Variants in STRBP observed in about 807,000 individuals in gnomAD.
STRBP encodes spermatid perinuclear RNA binding protein.
In STRBP, 13 loss-of-function variants were observed where a neutral mutation model predicts 80.1. That is an observed-to-expected ratio of 0.16 (90% CI 0.11 to 0.26). The LOEUF (loss-of-function observed/expected upper bound fraction) is 0.26. STRBP is among the 10% of genes least tolerant of loss of function. The pLI, the probability that STRBP is intolerant of heterozygous loss-of-function variation, is 1.00. For missense variants in STRBP, 485 were observed against 815.2 expected, an observed-to-expected ratio of 0.59 and a Z score of 4.93; for synonymous variants, 284 against 291.2, an observed-to-expected ratio of 0.98 and a Z score of 0.25.
chr9:123,146,909 T>A lies in STRBP; in HGVS notation c.1284A>T (p.Thr428=), dbSNP rs1476684645. 1 of 1,614,100 alleles carries A rather than the reference T, an allele frequency of 6.2e-7. No homozygotes were observed. The highest frequency in any genetic ancestry group is 1.7e-5 in the Admixed American group (1 of 60,012). The change falls in exon 13 of 19, where the codon ACA becomes ACT. Residue 428 remains threonine (T), a synonymous_variant. Transcript: ENST00000348403. The stretch of plus-strand genomic sequence containing the variant: ...TCTTGGATGGTCCTGAGGCTTCATA[T>A]GTTGTGCCATCCACATCTACAGACA... ...FTMSVDVDGT[T]YEASGPSKKT...
chr9:123,205,958 T>C (rs1473223137), intron 2 of STRBP, among the ~76,000 whole-genome samples: 2 of 152,156 alleles, frequency 1.3e-5, no homozygotes, highest in African/African-American at 4.8e-5. Flanking sequence ...AAAAAGTAAT[T>C]TGGAGATAAC....
chr9:123,188,012 T>C (rs905208511), intron 2 of STRBP, among the ~76,000 whole-genome samples: 1 of 152,078 alleles, frequency 6.6e-6, no homozygotes, highest in Non-Finnish European at 1.5e-5. Flanking sequence ...ATGCTCCACC[T>C]ATTTGACCTT....
At position 123,128,263 on chromosome 9, in the gene STRBP, T is replaced by A. The variant is rs766489382; in HGVS notation, c.1898-5A>T. On this transcript the variant is annotated splice_region_variant and splice_polypyrimidine_tract_variant and intron_variant, in intron 17 of 18. Coordinates refer to ENST00000348403, the MANE Select transcript of STRBP (RefSeq NM_018387.5). ...AACCATATGGTGTTCCATAGCCTAG[T>A]GCAAAGAAGAAGAAGGCAGATCAGT... 6.2e-7 allele frequency: 1 copy of A among 1,614,042 alleles called. No individual in the cohort carries two copies. The highest frequency in any genetic ancestry group is 1.7e-5 in the Admixed American group (1 of 59,978).
At chr9:123,131,806 T>C (rs2036149671) in intron 17 of STRBP, among the ~76,000 whole-genome samples, 1 of 152,228 alleles carries the variant, frequency 6.6e-6, no homozygotes, top group Admixed American at 6.5e-5. Flanking sequence ...CTACTAGGAT[T>C]ATCTTCTAGA....
intron 2 of STRBP, among the ~76,000 whole-genome samples, chr9:123,228,518 G>A (rs2040309178): frequency 6.6e-6 from 1 of 152,188 alleles, no homozygotes; most frequent in Non-Finnish European, 1.5e-5. Context: ...AGCCAAAAGT[G>A]AATAAAGTGT....
At chr9:123,204,938 AAAAGAAAG>A (rs1242206357) in intron 2 of STRBP, among the ~76,000 whole-genome samples, 1 of 149,542 alleles carries the variant, frequency 6.7e-6, no homozygotes, top group Non-Finnish European at 1.5e-5. Flanking sequence ...AAAAAAAAAA[AAAAGAAAG>A]AAAGAAAGGA....
chr9:123,229,353 A>G (rs2040334782), intron 2 of STRBP, among the ~76,000 whole-genome samples: 1 of 152,232 alleles, frequency 6.6e-6, no homozygotes, highest in African/African-American at 2.4e-5. Flanking sequence ...ATATCTCAAT[A>G]AAGAAATAGA....
rs145911554 is a variant in STRBP at position 123,231,542 on chromosome 9, G to A, written c.-165+5288C>T. On this transcript the variant is annotated intron_variant, in intron 2 of 18. Transcript: ENST00000348403. ...ACAGTCTCCCATATTTCTTATCTTG[G>A]CTAGTATACCAATTAATCCAGTTAC... is the stretch of plus-strand genomic sequence containing the variant. Among the ~76,000 whole-genome samples the A allele has an allele frequency of 3.1e-3, 475 of 152,178 alleles. 6 individuals carry two copies. Among genetic ancestry groups the A allele is most frequent in the Non-Finnish European group, 2.5e-3 (167 of 68,006 alleles).
rs1001035383 is a variant in STRBP at position 123,115,802 on chromosome 9, T to G, written c.*84+127A>C. 4 of 347,792 alleles carry G rather than the reference T, an allele frequency of 1.2e-5. No individual in the cohort carries two copies. The highest frequency in any genetic ancestry group is 6.4e-5 in the African/African-American group (3 of 46,646). 21.5% of individuals were successfully genotyped at this position (347,792 alleles called of 1,614,324 possible). Reference sequence around the variant, plus strand: ...GGAGCTCATGTCGCACCTCAGCTGCTCTCTCAAGGCTGCGTCTGTCATCGC... The same window carrying G: ...GGAGCTCATGTCGCACCTCAGCTGCGCTCTCAAGGCTGCGTCTGTCATCGC... On this transcript the variant is annotated intron_variant and NMD_transcript_variant, in intron 3 of 3. Transcript: ENST00000471564. This position sits in a 1 kb window ranked among gnomAD's most constrained non-coding sequence, Gnocchi z 5.0.
chr9:123,165,440 A>C (rs945193491), intron 6 of STRBP, among the ~76,000 whole-genome samples: 4 of 152,128 alleles, frequency 2.6e-5, no homozygotes, highest in Non-Finnish European at 5.9e-5. Context: ...TCTGCCAAGA[A>C]GGGCGAGTTC....
intron 10 of STRBP, 66 bp from the exon 11 acceptor site, chr9:123,158,189 A>G: frequency 6.7e-7 from 1 of 1,496,108 alleles, no homozygotes. Context: ...TAGAACATCT[A>G]GCTAAAAAGA....
intron 2 of STRBP, among the ~76,000 whole-genome samples, chr9:123,218,141 T>C (rs910532007): frequency 6.6e-6 from 1 of 152,196 alleles, no homozygotes; most frequent in African/African-American, 2.4e-5. Flanking sequence ...TACTGTCTTA[T>C]CACAGATTTA....
intron 2 of STRBP, among the ~76,000 whole-genome samples, chr9:123,215,217 C>A (rs370535453): frequency 4.6e-5 from 7 of 152,072 alleles, no homozygotes; most frequent in African/African-American, 1.7e-4. Flanking sequence ...CAGGCATGCA[C>A]CACTGGCTAA....
chr9:123,146,556 A>T, intron 13 of STRBP, among the ~76,000 whole-genome samples: 1 of 149,628 alleles, frequency 6.7e-6, no homozygotes. Flanking sequence ...AGCAAAATAG[A>T]AAATGATGGG....
Position 123,158,125 on chromosome 9 carries a change from TA to T in STRBP, c.934-3del. 1 of 1,605,678 alleles carries T rather than the reference TA, an allele frequency of 6.2e-7. No individual in the cohort carries two copies. The highest frequency in any genetic ancestry group is 8.5e-7 in the Non-Finnish European group (1 of 1,173,548). On this transcript the variant is annotated splice_polypyrimidine_tract_variant and splice_region_variant and intron_variant, in intron 10 of 18. Coordinates refer to ENST00000348403, the MANE Select transcript of STRBP (RefSeq NM_018387.5). ...AAAGGCTGATAGTCTGAGTGCATGC[TA>T]AAGAACAAAGTATTATATTTAATCA...
At chr9:123,184,033 A>C (rs1264998239) in intron 3 of STRBP, 99 bp downstream of exon 3, 1 of 1,228,504 alleles carries the variant, frequency 8.1e-7, no homozygotes, top group East Asian at 2.4e-5. Context: ...CCAAAAATTA[A>C]CACCACTGTT....
chr9:123,157,940 A>C, intron 11 of STRBP, 72 bp downstream of exon 11: 1 of 1,086,226 alleles, frequency 9.2e-7, no homozygotes, highest in Non-Finnish European at 1.4e-6. Context: ...CTAAGTTGTA[A>C]TGAGAGATGA....
intron 1 of STRBP, among the ~76,000 whole-genome samples, chr9:123,255,757 A>G (rs1357937753): frequency 1.3e-5 from 2 of 152,212 alleles, no homozygotes; most frequent in Non-Finnish European, 2.9e-5. Context: ...CAACAGATGC[A>G]CATCCTTTCT....
At chr9:123,215,092 G>T (rs2039851462) in intron 2 of STRBP, among the ~76,000 whole-genome samples, 1 of 151,880 alleles carries the variant, frequency 6.6e-6, no homozygotes, top group Non-Finnish European at 1.5e-5. Context: ...AAAGAGATGG[G>T]CTCTTACTCT....
Sources: gnomAD v4.1 joint callset for allele counts (sites outside exome capture counted in the v4.1 genomes callset) on GRCh38, gnomAD v4.1.1 for gene constraint, Gnocchi (gnomAD v3.1) non-coding constraint, MANE v1.5 for transcripts, NCBI Gene and HGNC (gene_info 2026-07-23, HGNC 2026-07-21) for gene names.